Variants in MARCHF1 observed in about 807,000 individuals in gnomAD.
MARCHF1 encodes E3 ubiquitin-protein ligase MARCHF1.
MARCHF1 carries 40 observed loss-of-function variants against 54.2 expected under a neutral mutation model. That is an observed-to-expected ratio of 0.74 (90% confidence interval 0.57 to 0.96). The LOEUF (loss-of-function observed/expected upper bound fraction) is 0.96, where lower values mean the gene tolerates loss of function less well. Ranked by LOEUF, MARCHF1 falls within the 40% of genes least tolerant of loss-of-function variation. The pLI, the probability that MARCHF1 is intolerant of heterozygous loss-of-function variation, is 0.00. For missense variants in MARCHF1, 586 were observed against 656.5 expected, an observed-to-expected ratio of 0.89 and a Z score of 1.17; for synonymous variants, 236 against 236.3, an observed-to-expected ratio of 1.00 and a Z score of 0.01.
chr4:163,600,788 C>A (rs935309027), intron 7 of MARCHF1, among the ~76,000 whole-genome samples: 1 of 152,074 alleles, frequency 6.6e-6, no homozygotes, highest in Non-Finnish European at 1.5e-5. Context: ...TCAGGCAGAA[C>A]ATGGAGAGGT....
chr4:163,832,437 G>A (rs1749052770), intron 4 of MARCHF1, among the ~76,000 whole-genome samples: 1 of 152,090 alleles, frequency 6.6e-6, no homozygotes, highest in African/African-American at 2.4e-5. Context: ...TATAAAATGA[G>A]CTACTGGGAC....
At chr4:164,307,392 A>G (rs1190361226) in intron 1 of MARCHF1, among the ~76,000 whole-genome samples, 1 of 152,208 alleles carries the variant, frequency 6.6e-6, no homozygotes, top group Non-Finnish European at 1.5e-5. Flanking sequence ...ACCAAACAGC[A>G]GCAACCTGTT....
At chr4:164,215,525 T>C (rs1445652949) in intron 1 of MARCHF1, among the ~76,000 whole-genome samples, 5 of 152,166 alleles carry the variant, frequency 3.3e-5, no homozygotes, top group Non-Finnish European at 7.4e-5. Flanking sequence ...CCTAGGTCTG[T>C]GGGCACAGGC....
At position 163,525,651 on chromosome 4, in the gene MARCHF1, G is replaced by A. The variant is rs1398526261; in HGVS notation, c.*3097C>T. ...GTCTGGTTTAATACTGAAGATTCAT[G>A]ATTATAAAGAGCCAAGGTTTTTAAC... On this transcript the variant is annotated 3_prime_UTR_variant, in exon 10 of 10. Coordinates refer to ENST00000514618, the MANE Select transcript of MARCHF1 (RefSeq NM_001394959.1). The A allele has an allele frequency of 7.3e-6, 1 of 137,356 alleles. No individual in the cohort carries two copies. Among genetic ancestry groups the A allele is most frequent in the African/African-American group, 2.6e-5 (1 of 38,348 alleles). The allele number at this position is 137,356 out of a possible 1,614,324, so 8.5% of individuals were successfully genotyped here. A position where few individuals can be genotyped will look rare whatever the true frequency, so the allele number is the denominator to read the frequency against.
At chr4:163,707,990 A>C (rs1257665724) in intron 4 of MARCHF1, among the ~76,000 whole-genome samples, 1 of 151,890 alleles carries the variant, frequency 6.6e-6, no homozygotes, top group Non-Finnish European at 1.5e-5. Context: ...GGAAACTAGA[A>C]GGCTAGAAAA....
chr4:163,689,324 C>A (rs933740754), intron 5 of MARCHF1, among the ~76,000 whole-genome samples: 1 of 152,094 alleles, frequency 6.6e-6, no homozygotes, highest in Non-Finnish European at 1.5e-5. Context: ...ATTTTTCTAG[C>A]TGTACTGAAA....
intron 2 of MARCHF1, among the ~76,000 whole-genome samples, chr4:164,004,253 A>G (rs1023869176): frequency 6.6e-6 from 1 of 151,820 alleles, no homozygotes; most frequent in Non-Finnish European, 1.5e-5. Flanking sequence ...ATACATATAT[A>G]TATATATGCA....
intron 4 of MARCHF1, chr4:163,828,711 A>G (rs924743602): frequency 2.6e-5 from 4 of 152,224 alleles, no homozygotes; most frequent in African/African-American, 9.6e-5. Context: ...ATTGTGGACC[A>G]TAAAACAACA....
chr4:164,235,722 T>C (rs866056775), intron 1 of MARCHF1, among the ~76,000 whole-genome samples: 2 of 151,844 alleles, frequency 1.3e-5, no homozygotes, highest in East Asian at 3.9e-4. Context: ...CAGTGGACTT[T>C]AGAGACTCAG....
chr4:164,120,419 C>T (rs571611499), intron 1 of MARCHF1, among the ~76,000 whole-genome samples: 16 of 152,160 alleles, frequency 1.1e-4, no homozygotes, highest in Non-Finnish European at 2.2e-4. Flanking sequence ...CTGCACTGAC[C>T]GGATCTTCCA....
intron 5 of MARCHF1, among the ~76,000 whole-genome samples, chr4:163,621,599 A>G (rs1045231785): frequency 2.6e-5 from 4 of 152,156 alleles, no homozygotes; most frequent in Admixed American, 2.6e-4. Context: ...TTATATATCT[A>G]TAAGAGATCT....
chr4:163,894,566 T>TATATATGC (rs71600648), intron 3 of MARCHF1, among the ~76,000 whole-genome samples: 3,066 of 76,644 alleles, frequency 0.04, 490 homozygotes, highest in Middle Eastern at 0.1. Context: ...CATGCATATA[T>TATATATGC]ATATATGCAT....
chr4:163,669,881 A>G (rs1451653499), intron 5 of MARCHF1, among the ~76,000 whole-genome samples: 2 of 151,726 alleles, frequency 1.3e-5, no homozygotes, highest in Non-Finnish European at 2.9e-5. Context: ...TACAGGTGTG[A>G]GCCACCGCTC....
chr4:163,817,974 G>T, intron 4 of MARCHF1, among the ~76,000 whole-genome samples: 1 of 109,476 alleles, frequency 9.1e-6, no homozygotes, highest in Non-Finnish European at 1.9e-5. Context: ...GGTGGGGGGA[G>T]GGGGGAGGGA....
chr4:163,665,859 C>T (rs901420805), intron 5 of MARCHF1, among the ~76,000 whole-genome samples: 3 of 152,084 alleles, frequency 2.0e-5, no homozygotes, highest in African/African-American at 7.2e-5. Context: ...TAGTTTTACT[C>T]CTCCATTGGG....
intron 1 of MARCHF1, among the ~76,000 whole-genome samples, chr4:164,356,763 T>TTAAAAAAAAAGAAAAGCAA (rs1730555609): frequency 3.3e-5 from 1 of 30,766 alleles, no homozygotes; most frequent in Non-Finnish European, 7.9e-5. Context: ...TAAAGTATAA[T>TTAAAAAAAAAGAAAAGCAA]AAAAAAAAAA....
chr4:163,854,446 G>C (rs577460540), intron 3 of MARCHF1, among the ~76,000 whole-genome samples: 2 of 152,196 alleles, frequency 1.3e-5, no homozygotes, highest in Non-Finnish European at 2.9e-5. Context: ...CCTTGTGCCA[G>C]GTTCTAAGTG....
chr4:163,953,447 A>G (rs1752172985), intron 3 of MARCHF1, among the ~76,000 whole-genome samples: 1 of 152,218 alleles, frequency 6.6e-6, no homozygotes, highest in South Asian at 2.1e-4. Flanking sequence ...AATGCTGAAC[A>G]CATAGTAGTT....
intron 1 of MARCHF1, among the ~76,000 whole-genome samples, chr4:164,246,788 G>T (rs1033593435): frequency 8.0e-6 from 1 of 125,162 alleles, no homozygotes. Flanking sequence ...CCATCAAAAA[G>T]TGGGCAAAGG....
Sources: gnomAD v4.1 joint callset for allele counts (sites outside exome capture counted in the v4.1 genomes callset) on GRCh38, gnomAD v4.1.1 for gene constraint, MANE v1.5 for transcripts, NCBI Gene and HGNC (gene_info 2026-07-23, HGNC 2026-07-21) for gene names.